CCNJL: variants seen among roughly 807,000 people sequenced by gnomAD.
CCNJL encodes the protein cyclin-J-like protein.
CCNJL carries 33 observed loss-of-function variants against 33.4 expected under a neutral mutation model. That is an observed-to-expected ratio of 0.99 (90% confidence interval 0.75 to 1.32). CCNJL has a LOEUF of 1.32. Among genes scored for constraint, CCNJL ranks in the 40% most tolerant of loss-of-function variants. The pLI is 0.00. For synonymous variants in CCNJL, 227 were observed against 220.9 expected (o/e 1.03, Z -0.24); for missense variants, 512 against 499.7 (o/e 1.02, Z -0.23).
In CCNJL at chr5:160,251,440, G is replaced by A. The variant is rs917286941; in HGVS notation, c.*1938C>T. On this transcript the variant is annotated 3_prime_UTR_variant, in exon 6 of 6. Coordinates refer to ENST00000257536, the MANE Select transcript of CCNJL (RefSeq NM_001308173.3). ...TTCTTTGGAAAAACCCTGAGACGGT[G>A]ATGGAGCTGGGGTGTCAAGCCTTAT... 1 of 152,220 alleles carries A rather than the reference G, an allele frequency of 6.6e-6. No homozygotes were observed. 9.4% of individuals were successfully genotyped at this position (152,220 alleles called of 1,614,324 possible).
At chr5:160,259,875 C>G in intron 3 of CCNJL, 104 bp from the exon 4 acceptor site, 2 of 948,172 alleles carry the variant, frequency 2.1e-6, no homozygotes, top group South Asian at 1.6e-5. Context: ...GCAAAGAAGA[C>G]AGAAAGCAGA....
upstream of CCNJL, among the ~76,000 whole-genome samples, chr5:160,317,290 C>T (rs1038012569): frequency 1.3e-5 from 2 of 152,200 alleles, no homozygotes; most frequent in Non-Finnish European, 2.9e-5. Context: ...GCAAACAGAA[C>T]TCAAAGCCTA....
chr5:160,300,564 TTGTTAG>T (rs775698181), intron 2 of CCNJL, among the ~76,000 whole-genome samples: 2 of 152,188 alleles, frequency 1.3e-5, no homozygotes, highest in Non-Finnish European at 2.9e-5. Context: ...TCATCAATTA[TTGTTAG>T]TGTTAGTGTA....
chr5:160,335,033 T>C (rs1283779733), intron 1 of CCNJL, among the ~76,000 whole-genome samples: 7 of 152,196 alleles, frequency 4.6e-5, no homozygotes, highest in Non-Finnish European at 1.0e-4. Context: ...GAGGCCAAGG[T>C]GGGCAGATCA....
Position 160,321,062 on chromosome 5 carries a change from CTTTCTTTCTTTCTTTCTTTCTTTCT to C in CCNJL, n.207-5582_207-5558del, listed in dbSNP as rs1561812866. On this transcript the variant is annotated intron_variant and non_coding_transcript_variant, in intron 1 of 7. Coordinates refer to the CCNJL transcript ENST00000377503. ...TCTTTCTTTCTTTCTTTCTTTCTTT[CTTTCTTTCTTTCTTTCTTTCTTTCT>C]TTCCTTCTCTCTTTCTCTCTCTCTC... Among the ~76,000 whole-genome samples, 423 of 121,452 alleles carry C rather than the reference CTTTCTTTCTTTCTTTCTTTCTTTCT, an allele frequency of 3.5e-3. 6 individuals carry two copies. Among genetic ancestry groups the C allele is most frequent in the African/African-American group, 0.011 (262 of 23,410 alleles). The allele number at this position is 121,452 out of a possible 152,430, so 79.7% of individuals were successfully genotyped here.
intron 2 of CCNJL, among the ~76,000 whole-genome samples, chr5:160,311,380 T>C (rs1763255403): frequency 6.6e-6 from 1 of 152,188 alleles, no homozygotes; most frequent in Non-Finnish European, 1.5e-5. Context: ...CTACCACTTA[T>C]CTTTATATAG....
chr5:160,256,553 A>C (rs1376362429), intron 4 of CCNJL, among the ~76,000 whole-genome samples: 1 of 152,228 alleles, frequency 6.6e-6, no homozygotes, highest in African/African-American at 2.4e-5. Flanking sequence ...AATATGTGCA[A>C]ACAGTTGAAA....
intron 3 of CCNJL, among the ~76,000 whole-genome samples, chr5:160,273,156 A>C (rs1267171358): frequency 6.6e-6 from 1 of 152,232 alleles, no homozygotes; most frequent in African/African-American, 2.4e-5. Context: ...GTGAACACTG[A>C]ATTAGTGAAT....
At chr5:160,320,850 C>CTTTCCTTCT (rs1491096774) in intron 1 of CCNJL, among the ~76,000 whole-genome samples, 69 of 55,562 alleles carry the variant, frequency 1.2e-3, no homozygotes, top group Non-Finnish European at 1.6e-3. Context: ...TCTTTCTTTC[C>CTTTCCTTCT]TTCTTTCTTT....
chr5:160,332,546 T>C (rs1056909851), intron 1 of CCNJL, among the ~76,000 whole-genome samples: 3 of 152,170 alleles, frequency 2.0e-5, no homozygotes, highest in African/African-American at 4.8e-5. Flanking sequence ...CCTCATCTTC[T>C]CCCACGGTCC....
intron 3 of CCNJL, among the ~76,000 whole-genome samples, chr5:160,269,080 G>A (rs891791873): frequency 6.6e-6 from 1 of 152,228 alleles, no homozygotes; most frequent in Admixed American, 6.5e-5. Context: ...TGAGGTTGTG[G>A]GTGGTTGTTT....
chr5:160,320,621 G>C (rs1027267984), intron 1 of CCNJL, among the ~76,000 whole-genome samples: 1 of 152,210 alleles, frequency 6.6e-6, no homozygotes, highest in Non-Finnish European at 1.5e-5. Flanking sequence ...TGCATCCAGG[G>C]TGGGGAGCCC....
At chr5:160,270,851 C>CT (rs1295827376) in intron 3 of CCNJL, among the ~76,000 whole-genome samples, 5 of 152,160 alleles carry the variant, frequency 3.3e-5, no homozygotes, top group Non-Finnish European at 5.9e-5. Flanking sequence ...AGCAGAATAA[C>CT]TGCCAGAGAA....
chr5:160,273,880 C>G (rs1367412097), intron 3 of CCNJL, among the ~76,000 whole-genome samples: 1 of 151,828 alleles, frequency 6.6e-6, no homozygotes, highest in Non-Finnish European at 1.5e-5. Context: ...AACTTCTGAC[C>G]TCAGGTGATC....
chr5:160,325,341 C>T (rs140085853), intron 1 of CCNJL, among the ~76,000 whole-genome samples: 1 of 152,180 alleles, frequency 6.6e-6, no homozygotes, highest in African/African-American at 2.4e-5. Flanking sequence ...CTCCAGCCCC[C>T]TCAGCAGTCA....
intron 3 of CCNJL, among the ~76,000 whole-genome samples, chr5:160,268,783 A>AC (rs1023214587): frequency 6.6e-6 from 1 of 152,200 alleles, no homozygotes; most frequent in Non-Finnish European, 1.5e-5. Context: ...GGCCTCCAAC[A>AC]CCAGCCATTC....
chr5:160,310,489 C>CT (rs1438131510), intron 2 of CCNJL, among the ~76,000 whole-genome samples: 2 of 152,192 alleles, frequency 1.3e-5, no homozygotes, highest in Non-Finnish European at 2.9e-5. Flanking sequence ...GCTGGTGACC[C>CT]TTTAAGCAGA....
intron 1 of CCNJL, 132 bp from the exon 2 acceptor site, chr5:160,312,104 G>C (rs1001250690): frequency 1.6e-6 from 1 of 612,972 alleles, no homozygotes; most frequent in African/African-American, 1.8e-5. Flanking sequence ...AGGAGCTGGA[G>C]GTCGCCTCTG....
intron 2 of CCNJL, among the ~76,000 whole-genome samples, chr5:160,298,774 T>C (rs1210879512): frequency 6.6e-6 from 1 of 152,152 alleles, no homozygotes; most frequent in East Asian, 1.9e-4. Context: ...ATTAGCGAAG[T>C]GTATAAACCA....
Sources: allele counts gnomAD v4.1 joint callset (sites outside exome capture counted in the v4.1 genomes callset), GRCh38; gene constraint gnomAD v4.1.1; transcripts MANE v1.5; gene names NCBI Gene and HGNC (gene_info 2026-07-23, HGNC 2026-07-21).